The following LAMA2 variants were observed in gnomAD, a reference collection of about 807,000 sequenced individuals.
LAMA2 encodes the protein laminin subunit alpha 2.
In LAMA2, 269 loss-of-function variants were observed where a neutral mutation model predicts 364.8. The ratio of observed to expected loss-of-function variants is 0.74; its 90% CI spans 0.67 to 0.82. The LOEUF (loss-of-function observed/expected upper bound fraction) is 0.82. Among genes scored for constraint, LAMA2 ranks in the 40% least tolerant of loss-of-function variants. The pLI, the probability that LAMA2 is intolerant of heterozygous loss-of-function variation, is 0.00. For synonymous variants in LAMA2, 1,379 were observed against 1,370.6 expected (o/e 1.01, Z -0.14); for missense variants, 3,807 against 3,873.2 (o/e 0.98, Z 0.45).
rs780010361 is a variant in LAMA2, at chr6:129,502,888, T to C, written c.8357+117T>C. The C allele has an allele frequency of 0.011, 9,388 of 882,238 alleles. 74 individuals are homozygous for C. Among genetic ancestry groups the C allele is most frequent in the Non-Finnish European group, 0.014 (7,736 of 538,478 alleles). 54.7% of individuals were successfully genotyped at this position (882,238 alleles called of 1,614,324 possible). The stretch of plus-strand genomic sequence containing the variant: ...TTAATGAAGTTAGCTTTTCTTTTAT[T>C]CACTGAGTACAATAGAGAATAGAAT... On this transcript the variant is annotated intron_variant, in intron 59 of 64. Coordinates refer to ENST00000421865, the MANE Select transcript of LAMA2 (RefSeq NM_000426.4).
chr6:129,204,661 A>G (rs774472915), intron 12 of LAMA2, among the ~76,000 whole-genome samples: 1 of 152,170 alleles, frequency 6.6e-6, no homozygotes, highest in Non-Finnish European at 1.5e-5. Flanking sequence ...CTGTGAAACA[A>G]TACATTTCTG....
At chr6:129,098,079 A>G (rs1356281759) in intron 3 of LAMA2, 94 bp from the exon 4 acceptor site, 1 of 1,309,426 alleles carries the variant, frequency 7.6e-7, no homozygotes, top group Non-Finnish European at 1.1e-6. Flanking sequence ...AAAATCTGAA[A>G]TAAAATCTAC....
At chr6:129,165,776 T>C in intron 9 of LAMA2, 101 bp downstream of exon 9, 1 of 779,190 alleles carries the variant, frequency 1.3e-6, no homozygotes, top group Non-Finnish European at 2.3e-6. Flanking sequence ...GTTATTCATG[T>C]AATAAATTTA....
At chr6:129,112,109 A>T (rs112759195) in intron 4 of LAMA2, among the ~76,000 whole-genome samples, 1 of 152,030 alleles carries the variant, frequency 6.6e-6, no homozygotes, top group African/African-American at 2.4e-5. Flanking sequence ...TTAAAACCTG[A>T]CATCCACTTA....
rs538484262 is a variant in LAMA2 at position 129,372,480 on chromosome 6, C to T, written c.4959+2490C>T. The stretch of plus-strand genomic sequence containing the variant: ...CATATTTTTTCATGACTTTATAGCT[C>T]ATTTCTTTGTAGTGTTGAATAATAT... On this transcript the variant is annotated intron_variant, in intron 34 of 64. Coordinates refer to ENST00000421865, the MANE Select transcript of LAMA2 (RefSeq NM_000426.4). Among the ~76,000 whole-genome samples, 8 of 152,198 alleles carry T rather than the reference C, an allele frequency of 5.3e-5. No individual in the cohort carries two copies. The South Asian group carries it at 1.5e-3, about 28-fold the overall frequency.
Position 129,199,755 on chromosome 6 carries a change from T to C in LAMA2, c.1782+6902T>C, listed in dbSNP as rs868551436. On this transcript the variant is annotated intron_variant, in intron 12 of 64. Coordinates refer to ENST00000421865, the MANE Select transcript of LAMA2 (RefSeq NM_000426.4). ...TAAATAGTACCAAGGATTAAATTTGTAGGGAAAAGCCAATGGCCAAGAATA... is the reference window on the plus strand; with the variant it reads ...TAAATAGTACCAAGGATTAAATTTGCAGGGAAAAGCCAATGGCCAAGAATA... Among the ~76,000 whole-genome samples the C allele has an allele frequency of 4.6e-5, 7 of 152,178 alleles. No homozygotes were observed. The South Asian group carries it at 8.3e-4, about 18-fold the overall frequency.
At chr6:129,023,632 T>C (rs555502029) in intron 1 of LAMA2, among the ~76,000 whole-genome samples, 1 of 152,282 alleles carries the variant, frequency 6.6e-6, no homozygotes, top group East Asian at 1.9e-4. Context: ...GATTTTACCT[T>C]CTTAATTTCT....
chr6:128,979,911 A>G (rs776177215), intron 1 of LAMA2, among the ~76,000 whole-genome samples: 13 of 152,230 alleles, frequency 8.5e-5, no homozygotes, highest in South Asian at 2.1e-4. Flanking sequence ...CAACCAGTGT[A>G]TTTAAAATAT....
chr6:129,176,594 T>A (rs945543987), intron 9 of LAMA2, among the ~76,000 whole-genome samples: 2 of 152,160 alleles, frequency 1.3e-5, no homozygotes, highest in African/African-American at 4.8e-5. Flanking sequence ...TGATAATTAG[T>A]GCTTATTTGA....
chr6:129,449,517 C>G (rs1782558097), intron 45 of LAMA2, among the ~76,000 whole-genome samples: 1 of 152,046 alleles, frequency 6.6e-6, no homozygotes. Context: ...TCCCAAAAGG[C>G]CCCCCTCCCA....
intron 1 of LAMA2, among the ~76,000 whole-genome samples, chr6:128,897,126 C>T (rs909205712): frequency 5.3e-5 from 8 of 152,202 alleles, no homozygotes; most frequent in Non-Finnish European, 1.2e-4. Flanking sequence ...ACTTTGTGGC[C>T]CATTCACCTA....
Position 129,421,838 on chromosome 6 carries a change from G to A in LAMA2, c.5866-5914G>A, listed in dbSNP as rs144290078. 4.3e-4 allele frequency among the ~76,000 whole-genome samples: 65 copies of A among 151,960 alleles called. No individual in the cohort carries two copies. In the East Asian group the frequency reaches 9.5e-3, roughly 22 times the overall value. Reference sequence around the variant, plus strand: ...TTGATTTTTAACCTCTCAATTCCACGGTGCTTGCATGAGGTGACTATTCTC... The same window carrying A: ...TTGATTTTTAACCTCTCAATTCCACAGTGCTTGCATGAGGTGACTATTCTC... On this transcript the variant is annotated intron_variant, in intron 40 of 64. Transcript: ENST00000421865.
chr6:128,884,198 G>C (rs1256225720), intron 1 of LAMA2, among the ~76,000 whole-genome samples: 2 of 152,068 alleles, frequency 1.3e-5, no homozygotes, highest in Non-Finnish European at 2.9e-5. Flanking sequence ...GGGAGTCTTT[G>C]AAGAGTTATT....
intron 1 of LAMA2, among the ~76,000 whole-genome samples, chr6:128,933,987 G>A (rs1396760713): frequency 6.6e-6 from 1 of 152,082 alleles, no homozygotes; most frequent in Admixed American, 6.6e-5. Context: ...TGTGCTTCGG[G>A]TGTCGTACCC....
intron 9 of LAMA2, among the ~76,000 whole-genome samples, chr6:129,172,622 TTTTG>T (rs1274074768): frequency 1.3e-5 from 2 of 152,154 alleles, no homozygotes; most frequent in East Asian, 1.9e-4. Context: ...ACTGCTGTCT[TTTTG>T]TTTGTCTGTG....
At chr6:129,251,070 CTCTCTCTATA>C (rs1330874821) in intron 13 of LAMA2, among the ~76,000 whole-genome samples, 108 of 67,590 alleles carry the variant, frequency 1.6e-3, no homozygotes, top group African/African-American at 3.4e-3. Flanking sequence ...CTCTCTCTCT[CTCTCTCTATA>C]TATATATATA....
chr6:129,099,125 G>GTTTTTTTTTTTTTTTTT (rs370334822), intron 4 of LAMA2, among the ~76,000 whole-genome samples: 1 of 129,796 alleles, frequency 7.7e-6, no homozygotes, highest in East Asian at 2.2e-4. Context: ...TTTTTTTTTT[G>GTTTTTTTTTTTTTTTTT]TTTTTTTTTT....
chr6:128,948,636 C>T (rs889918013), intron 1 of LAMA2, among the ~76,000 whole-genome samples: 10 of 152,118 alleles, frequency 6.6e-5, no homozygotes, highest in Admixed American at 2.6e-4. Flanking sequence ...CAGTATTGGA[C>T]GTGGGGACTG....
chr6:129,236,794 A>G (rs912483047), intron 12 of LAMA2, among the ~76,000 whole-genome samples: 3 of 152,138 alleles, frequency 2.0e-5, no homozygotes, highest in Non-Finnish European at 4.4e-5. Context: ...ACAAGTGGAA[A>G]CATACTATAC....
Sources: gnomAD v4.1 joint callset for allele counts (sites outside exome capture counted in the v4.1 genomes callset) on GRCh38, gnomAD v4.1.1 for gene constraint, MANE v1.5 for transcripts, NCBI Gene and HGNC (gene_info 2026-07-23, HGNC 2026-07-21) for gene names.